Variants in TESK2 observed in about 807,000 individuals in gnomAD.
The protein encoded by TESK2 is dual specificity testis-specific protein kinase 2.
In TESK2, 39 loss-of-function variants were observed where a neutral mutation model predicts 57.1. That is an observed-to-expected ratio of 0.68 (90% CI 0.53 to 0.89). The LOEUF (loss-of-function observed/expected upper bound fraction) is 0.89. Ranked by LOEUF, TESK2 falls within the 40% of genes least tolerant of loss-of-function variation. TESK2 has a pLI of 0.00. For missense variants in TESK2, 646 were observed against 732.1 expected (o/e 0.88, Z 1.36); for synonymous variants, 249 against 267.9 (o/e 0.93, Z 0.69).
chr1:45,380,452 C>T (rs543134117), intron 4 of TESK2, among the ~76,000 whole-genome samples: 4 of 152,250 alleles, frequency 2.6e-5, no homozygotes, highest in African/African-American at 9.6e-5. Flanking sequence ...GGAAAAAGCG[C>T]TTTGAGATGA....
intron 2 of TESK2, among the ~76,000 whole-genome samples, chr1:45,456,129 G>C (rs1652077803): frequency 6.6e-6 from 1 of 152,040 alleles, no homozygotes; most frequent in South Asian, 2.1e-4. Flanking sequence ...GGGAGGTCAA[G>C]ACTGCAGTAA....
intron 1 of TESK2, among the ~76,000 whole-genome samples, chr1:45,470,868 A>G (rs898541039): frequency 6.6e-6 from 1 of 152,182 alleles, no homozygotes; most frequent in African/African-American, 2.4e-5. Flanking sequence ...AATAGATGCC[A>G]TTATTACCCC....
chr1:45,405,835 C>T (rs1279976625), intron 3 of TESK2, among the ~76,000 whole-genome samples: 2 of 151,690 alleles, frequency 1.3e-5, no homozygotes, highest in African/African-American at 4.8e-5. Context: ...GATGGTGTCA[C>T]TGCACTCCAG....
chr1:45,366,860 G>A (rs1647942487), intron 4 of TESK2, among the ~76,000 whole-genome samples: 1 of 152,158 alleles, frequency 6.6e-6, no homozygotes, highest in Non-Finnish European at 1.5e-5. Flanking sequence ...CTGGCTGGGC[G>A]CAGAGGCTCA....
chr1:45,426,506 A>G (rs1402781121), intron 2 of TESK2, among the ~76,000 whole-genome samples: 1 of 152,220 alleles, frequency 6.6e-6, no homozygotes, highest in Non-Finnish European at 1.5e-5. Context: ...AAACTACTAC[A>G]AGAAAACATC....
intron 2 of TESK2, among the ~76,000 whole-genome samples, chr1:45,441,914 G>A (rs1651461110): frequency 6.6e-6 from 1 of 152,066 alleles, no homozygotes; most frequent in South Asian, 2.1e-4. Flanking sequence ...AAGCCACTGT[G>A]CCCAGCAAAA....
chr1:45,407,684 G>T (rs1366830490), intron 3 of TESK2, among the ~76,000 whole-genome samples: 4 of 152,138 alleles, frequency 2.6e-5, no homozygotes, highest in South Asian at 2.1e-4. Flanking sequence ...TCTCTTGCCT[G>T]CAGCCATGTA....
Position 45,361,073 on chromosome 1 carries a change from C to T in TESK2, c.394-5624G>A. ...CCTCAGGTGATCCACCCGCCTCAGC[C>T]TCCCAAAGTGCTAGGATTACAGGCG... On this transcript the variant is annotated intron_variant, in intron 4 of 10. Transcript: ENST00000372086. Among the ~76,000 whole-genome samples, 2 of 152,176 alleles carry T rather than the reference C, an allele frequency of 1.3e-5. 1 individual carries two copies. The highest frequency in any genetic ancestry group is 2.9e-5 in the Non-Finnish European group (2 of 68,010).
chr1:45,452,569 G>A (rs574286225), intron 2 of TESK2, among the ~76,000 whole-genome samples: 1 of 152,242 alleles, frequency 6.6e-6, no homozygotes, highest in South Asian at 2.1e-4. Context: ...AAGATTGCTT[G>A]CGGCCAGGAG....
intron 2 of TESK2, among the ~76,000 whole-genome samples, chr1:45,436,477 C>T (rs918603853): frequency 1.1e-5 from 1 of 88,762 alleles, no homozygotes; most frequent in Admixed American, 1.6e-4. Context: ...CCGTGCCTGG[C>T]CTTTTTTTTT....
At chr1:45,460,305 G>T (rs1652281507) in intron 1 of TESK2, among the ~76,000 whole-genome samples, 1 of 152,096 alleles carries the variant, frequency 6.6e-6, no homozygotes, top group East Asian at 1.9e-4. Context: ...ATCACCTGAG[G>T]TCATGAGTTT....
intron 4 of TESK2, among the ~76,000 whole-genome samples, chr1:45,381,528 A>G (rs1648651738): frequency 6.6e-6 from 1 of 152,256 alleles, no homozygotes; most frequent in African/African-American, 2.4e-5. Context: ...CTGGCCCCAG[A>G]AGGAGGATGA....
chr1:45,380,469 A>G (rs750206797), intron 4 of TESK2, among the ~76,000 whole-genome samples: 4 of 152,172 alleles, frequency 2.6e-5, no homozygotes, highest in Non-Finnish European at 5.9e-5. Context: ...ATGACATACA[A>G]TCTATCCAGA....
chr1:45,385,710 G>GTGTATATATA (rs947905047), intron 4 of TESK2, among the ~76,000 whole-genome samples: 86 of 135,294 alleles, frequency 6.4e-4, no homozygotes, highest in African/African-American at 2.5e-3. Context: ...GTGTGTGTGT[G>GTGTATATATA]TATATATATA....
chr1:45,458,961 A>G (rs1213137171), intron 1 of TESK2, among the ~76,000 whole-genome samples: 1 of 152,202 alleles, frequency 6.6e-6, no homozygotes, highest in African/African-American at 2.4e-5. Flanking sequence ...TGACTCCTCA[A>G]TTAGTGAAAT....
intron 5 of TESK2, among the ~76,000 whole-genome samples, chr1:45,350,430 A>T (rs1262729253): frequency 6.6e-6 from 1 of 152,224 alleles, no homozygotes; most frequent in Admixed American, 6.5e-5. Flanking sequence ...AACAAAAACA[A>T]CAAAACACTT....
In TESK2 at chr1:45,486,091, C is replaced by T. The variant is rs144200821; in HGVS notation, c.-87+4761G>A. Reference sequence around the variant, plus strand: ...CAACCAGGCTTTTCTCTGAAACAGCCACTGCCTGTGATTGTTCAGGGAAAA... The same window carrying T: ...CAACCAGGCTTTTCTCTGAAACAGCTACTGCCTGTGATTGTTCAGGGAAAA... On this transcript the variant is annotated intron_variant, in intron 1 of 10. Transcript: ENST00000372086. Among the ~76,000 whole-genome samples, 78 of 152,232 alleles carry T rather than the reference C, an allele frequency of 5.1e-4. 1 individual carries two copies. The highest frequency in any genetic ancestry group is 1.9e-3 in the African/African-American group (77 of 41,536).
chr1:45,378,673 A>C (rs1648531477), intron 4 of TESK2, among the ~76,000 whole-genome samples: 1 of 152,194 alleles, frequency 6.6e-6, no homozygotes, highest in African/African-American at 2.4e-5. Context: ...AGCAAACTAA[A>C]ATTAGAAAGC....
At chr1:45,470,156 TA>T in intron 1 of TESK2, among the ~76,000 whole-genome samples, 1 of 152,356 alleles carries the variant, frequency 6.6e-6, no homozygotes, top group East Asian at 1.9e-4. Context: ...GTTTTCTTTC[TA>T]TAATCATAAA....
Sources: gnomAD v4.1 joint callset for allele counts (sites outside exome capture counted in the v4.1 genomes callset) on GRCh38, gnomAD v4.1.1 for gene constraint, MANE v1.5 for transcripts, NCBI Gene and HGNC (gene_info 2026-07-23, HGNC 2026-07-21) for gene names.